The following RAB2A variants were observed in gnomAD, a reference collection of about 807,000 sequenced individuals.
RAB2A encodes the protein ras-related protein Rab-2A.
Under a neutral mutation model 32.5 loss-of-function variants are expected in RAB2A, and 7 were observed. The observed-to-expected ratio is 0.22, with a 90% CI of 0.12 to 0.40. The LOEUF (loss-of-function observed/expected upper bound fraction) is 0.40. Ranked by LOEUF, RAB2A falls within the 10% of genes least tolerant of loss-of-function variation. The pLI, the probability that RAB2A is intolerant of heterozygous loss-of-function variation, is 1.00. For synonymous variants in RAB2A, 79 were observed against 85.2 expected, an observed-to-expected ratio of 0.93 and a Z score of 0.40; for missense variants, 108 against 260.7, an observed-to-expected ratio of 0.41 and a Z score of 4.03.
chr8:60,528,399 A>G (rs974876051), intron 1 of RAB2A, among the ~76,000 whole-genome samples: 5 of 152,174 alleles, frequency 3.3e-5, no homozygotes, highest in Non-Finnish European at 5.9e-5. Flanking sequence ...CCCCATATGC[A>G]TTTGAAAAAT....
chr8:60,541,289 TA>T (rs36102208), intron 1 of RAB2A, among the ~76,000 whole-genome samples: 71,249 of 151,878 alleles, frequency 0.47, 17,722 homozygotes, highest in African/African-American at 0.64. Flanking sequence ...AGAGGAACCT[TA>T]AAGAAGGCCT....
intron 1 of RAB2A, among the ~76,000 whole-genome samples, chr8:60,543,232 A>G (rs1314409735): frequency 1.2e-4 from 19 of 152,206 alleles, no homozygotes; most frequent in Admixed American, 1.2e-3. Context: ...TTGTTCTGTC[A>G]CATTTCTGGA....
At chr8:60,544,552 CTT>C (rs35482452) in intron 1 of RAB2A, among the ~76,000 whole-genome samples, 38 of 114,126 alleles carry the variant, frequency 3.3e-4, no homozygotes, top group Non-Finnish European at 5.0e-4. Context: ...TCCCTAGTGC[CTT>C]TTTTTTTTTT....
intron 2 of RAB2A, among the ~76,000 whole-genome samples, chr8:60,569,098 A>T (rs1808158847): frequency 6.6e-6 from 1 of 152,228 alleles, no homozygotes; most frequent in Non-Finnish European, 1.5e-5. Context: ...AATGGGAAAG[A>T]GTTATATTTC....
At chr8:60,535,933 A>G (rs1406407595) in intron 1 of RAB2A, among the ~76,000 whole-genome samples, 2 of 152,154 alleles carry the variant, frequency 1.3e-5, no homozygotes, top group African/African-American at 4.8e-5. Context: ...CCTAGCTGCT[A>G]GGGAGCTCAA....
intron 6 of RAB2A, among the ~76,000 whole-genome samples, chr8:60,599,123 C>T (rs1267951553): frequency 6.6e-6 from 1 of 151,924 alleles, no homozygotes; most frequent in Non-Finnish European, 1.5e-5. Flanking sequence ...AATCGTATTT[C>T]TATGTTTTAG....
intron 3 of RAB2A, among the ~76,000 whole-genome samples, chr8:60,580,712 T>G (rs1402605697): frequency 1.3e-5 from 2 of 152,244 alleles, no homozygotes; most frequent in Non-Finnish European, 2.9e-5. Context: ...TATTGGAACG[T>G]GTTTTGTTCT....
At chr8:60,598,971 A>AAG (rs1563482794) in intron 6 of RAB2A, among the ~76,000 whole-genome samples, 60 of 142,116 alleles carry the variant, frequency 4.2e-4, no homozygotes, top group African/African-American at 1.4e-3. Context: ...AAAAAAGAAA[A>AAG]GGCATACAAC....
At chr8:60,589,366 A>G (rs1487184636) in intron 5 of RAB2A, among the ~76,000 whole-genome samples, 1 of 152,220 alleles carries the variant, frequency 6.6e-6, no homozygotes, top group African/African-American at 2.4e-5. Context: ...GAGAGAAATA[A>G]ATGAGATGAT....
At chr8:60,596,682 G>T (rs374606316) in intron 6 of RAB2A, among the ~76,000 whole-genome samples, 2 of 152,144 alleles carry the variant, frequency 1.3e-5, no homozygotes, top group South Asian at 2.1e-4. Flanking sequence ...CAGCACTTTG[G>T]GAGGCTGAGG....
chr8:60,566,847 G>T (rs936701462), intron 2 of RAB2A, among the ~76,000 whole-genome samples: 3 of 152,058 alleles, frequency 2.0e-5, no homozygotes, highest in African/African-American at 7.2e-5. Context: ...TACTTTATAA[G>T]CAAGAACACG....
chr8:60,565,949 G>A (rs898049749), intron 2 of RAB2A, among the ~76,000 whole-genome samples: 14 of 151,956 alleles, frequency 9.2e-5, no homozygotes, highest in African/African-American at 3.4e-4. Context: ...TCCTGACCTC[G>A]TGATCCACCC....
In RAB2A at chr8:60,605,763, G is replaced by A. The variant is rs181567891; in HGVS notation, c.475-12817G>A. On this transcript the variant is annotated intron_variant, in intron 6 of 7. Transcript: ENST00000262646. ...GAATGGGAGTATTTACCCAATGCCT[G>A]TGTCCCCATTGTATCTTGAAAGTAG... 2.6e-3 allele frequency among the ~76,000 whole-genome samples: 390 copies of A among 151,090 alleles called. 2 individuals carry two copies. Among genetic ancestry groups the A allele is most frequent in the African/African-American group, 9.2e-3 (372 of 40,644 alleles).
At chr8:60,526,075 A>C (rs1433445394) in intron 1 of RAB2A, among the ~76,000 whole-genome samples, 1 of 128,796 alleles carries the variant, frequency 7.8e-6, no homozygotes, top group Non-Finnish European at 1.6e-5. Context: ...TGTTGCTAGC[A>C]TAACAAACTA....
At chr8:60,531,732 G>A (rs554815710) in intron 1 of RAB2A, among the ~76,000 whole-genome samples, 12 of 151,750 alleles carry the variant, frequency 7.9e-5, no homozygotes, top group Non-Finnish European at 1.6e-4. Context: ...AGAATATCAA[G>A]GAGGTACTGT....
chr8:60,600,460 G>C (rs1301907144), intron 6 of RAB2A, among the ~76,000 whole-genome samples: 2 of 152,204 alleles, frequency 1.3e-5, no homozygotes, highest in African/African-American at 4.8e-5. Context: ...TTGCATGTGG[G>C]AATGTAAAAT....
At position 60,517,143 on chromosome 8, in the gene RAB2A, G is replaced by A. The variant is rs1369488890; in HGVS notation, c.-65G>A. 3 of 1,448,470 alleles carry A rather than the reference G, an allele frequency of 2.1e-6. No individual in the cohort carries two copies. Among genetic ancestry groups the A allele is most frequent in the African/African-American group, 1.5e-5 (1 of 67,420 alleles). The allele number at this position is 1,448,470 out of a possible 1,614,324, so 89.7% of individuals were successfully genotyped here. A position where few individuals can be genotyped will look rare whatever the true frequency, so the allele number is the denominator to read the frequency against. On this transcript the variant is annotated 5_prime_UTR_variant, in exon 1 of 8. Transcript: ENST00000262646. ...TCGAGGCTGAGCGGCACCGGGGTTG[G>A]GGCGCGGAGGAGGAGCAGCAGCGGG...
At chr8:60,542,365 A>C (rs1295110493) in intron 1 of RAB2A, among the ~76,000 whole-genome samples, 1 of 152,170 alleles carries the variant, frequency 6.6e-6, no homozygotes, top group Non-Finnish European at 1.5e-5. Flanking sequence ...AATACAAAAA[A>C]TTAGCCAGGC....
intron 3 of RAB2A, among the ~76,000 whole-genome samples, chr8:60,578,473 A>G (rs947917511): frequency 1.3e-5 from 2 of 152,212 alleles, no homozygotes; most frequent in African/African-American, 4.8e-5. Context: ...AGAAGAAAAT[A>G]GTGTTTCAGG....
Sources: allele counts gnomAD v4.1 joint callset (sites outside exome capture counted in the v4.1 genomes callset), GRCh38; gene constraint gnomAD v4.1.1; transcripts MANE v1.5; gene names NCBI Gene and HGNC (gene_info 2026-07-23, HGNC 2026-07-21).